ACTR3C: variants seen among roughly 807,000 people sequenced by gnomAD.
ACTR3C encodes actin related protein 3C.
Under a neutral mutation model 26.3 loss-of-function variants are expected in ACTR3C, and 18 were observed. That is an observed-to-expected ratio of 0.68 (90% CI 0.47 to 1.01). ACTR3C has a LOEUF of 1.01. ACTR3C is among the 50% of genes least tolerant of loss of function. The pLI is 0.00. For missense variants in ACTR3C, 184 were observed against 250.7 expected (o/e 0.73, Z 1.80); for synonymous variants, 55 against 94.5 (o/e 0.58, Z 2.42).
chr7:150,035,858 G>A, the ACTR3C span, among the ~76,000 whole-genome samples: 2 of 134,032 alleles, frequency 1.5e-5, no homozygotes, highest in Non-Finnish European at 3.4e-5. Context: ...CCCTGCGATG[G>A]GGGTACCAAC....
At chr7:150,124,806 G>T in the ACTR3C span, among the ~76,000 whole-genome samples, 1 of 152,120 alleles carries the variant, frequency 6.6e-6, no homozygotes, top group East Asian at 1.9e-4. Context: ...GATAGTAAAT[G>T]AAATTTACTG....
chr7:150,318,695 G>A (rs748716943), intron 1 of ACTR3C, among the ~76,000 whole-genome samples: 2 of 152,264 alleles, frequency 1.3e-5, no homozygotes, highest in East Asian at 1.9e-4. Context: ...CCGAAGAGCC[G>A]AGATCGCACC....
chr7:150,298,343 A>C (rs1301391900), intron 1 of ACTR3C, among the ~76,000 whole-genome samples: 1 of 149,570 alleles, frequency 6.7e-6, no homozygotes, highest in Non-Finnish European at 1.5e-5. Context: ...AATAAAGTAC[A>C]TTAAAAACAT....
the ACTR3C span, among the ~76,000 whole-genome samples, chr7:149,919,690 C>CTT: frequency 6.6e-6 from 1 of 152,110 alleles, no homozygotes; most frequent in Non-Finnish European, 1.5e-5. Flanking sequence ...CAGTCTTACT[C>CTT]GTTTTAACTT....
At chr7:150,149,079 G>A in the ACTR3C span, among the ~76,000 whole-genome samples, 2 of 93,176 alleles carry the variant, frequency 2.1e-5, no homozygotes, top group African/African-American at 7.8e-5. Flanking sequence ...TAAAGTTTGA[G>A]TATATATATA....
chr7:150,131,449 G>A, the ACTR3C span, among the ~76,000 whole-genome samples: 1 of 151,770 alleles, frequency 6.6e-6, no homozygotes, highest in African/African-American at 2.4e-5. Flanking sequence ...TTCTGTTAAA[G>A]CAGCTCGAAC....
At chr7:150,090,408 T>G in the ACTR3C span, among the ~76,000 whole-genome samples, 1 of 152,242 alleles carries the variant, frequency 6.6e-6, no homozygotes, top group Non-Finnish European at 1.5e-5. Context: ...TGAGGCAGAT[T>G]TGCTGCATTC....
the ACTR3C span, among the ~76,000 whole-genome samples, chr7:150,037,608 A>C: frequency 5.4e-5 from 4 of 74,690 alleles, no homozygotes; most frequent in South Asian, 1.9e-3. Flanking sequence ...CAGTAATCCC[A>C]CGTAAGGTAC....
chr7:150,245,207 G>T (rs1832399040), downstream of ACTR3C: 1 of 152,270 alleles, frequency 6.6e-6, no homozygotes, highest in Admixed American at 6.5e-5. Context: ...TTATCAACCA[G>T]AGGTTGCATA....
At chr7:150,264,649 T>G (rs1342061771) in intron 6 of ACTR3C, 1 of 963,250 alleles carries the variant, frequency 1.0e-6, no homozygotes. Context: ...CAAAAGTCCC[T>G]AAACCGAGTC....
chr7:150,217,876 TA>T, the ACTR3C span, among the ~76,000 whole-genome samples: 1,737 of 151,426 alleles, frequency 0.011, 42 homozygotes, highest in African/African-American at 0.04. Context: ...AAAAGGTGAA[TA>T]ACCATCTAAA....
the ACTR3C span, among the ~76,000 whole-genome samples, chr7:150,162,368 C>T: frequency 6.6e-6 from 1 of 151,960 alleles, no homozygotes; most frequent in Non-Finnish European, 1.5e-5. Context: ...CTCTGTTGCC[C>T]AGGCTGGAGT....
chr7:149,967,901 C>G, the ACTR3C span, among the ~76,000 whole-genome samples: 4 of 151,910 alleles, frequency 2.6e-5, no homozygotes, highest in Non-Finnish European at 5.9e-5. Context: ...CGGGGGGTGG[C>G]GGGTTTTTAA....
chr7:149,951,866 A>G, the ACTR3C span, among the ~76,000 whole-genome samples: 1 of 150,462 alleles, frequency 6.6e-6, no homozygotes, highest in African/African-American at 2.5e-5. Flanking sequence ...AATTGTGCCC[A>G]GCAGAACTGG....
the ACTR3C span, among the ~76,000 whole-genome samples, chr7:150,037,961 G>T: frequency 7.1e-6 from 1 of 140,356 alleles, no homozygotes; most frequent in South Asian, 2.2e-4. Context: ...CAAAGAGCCA[G>T]GGGAGGAAAG....
the ACTR3C span, among the ~76,000 whole-genome samples, chr7:150,228,092 G>A: frequency 6.6e-6 from 1 of 152,036 alleles, no homozygotes; most frequent in Non-Finnish European, 1.5e-5. Flanking sequence ...ACAAAGTCTG[G>A]GATAATTGAC....
chr7:149,948,673 C>A, the ACTR3C span, among the ~76,000 whole-genome samples: 5 of 151,844 alleles, frequency 3.3e-5, no homozygotes, highest in East Asian at 9.6e-4. Context: ...CGGGGGACCT[C>A]CCATTACTCC....
chr7:150,166,807 C>G, the ACTR3C span, among the ~76,000 whole-genome samples: 1 of 150,636 alleles, frequency 6.6e-6, no homozygotes, highest in Non-Finnish European at 1.5e-5. Flanking sequence ...TTCATGTCCC[C>G]TCAACACCTT....
chr7:150,141,494 A>G, the ACTR3C span, among the ~76,000 whole-genome samples: 1 of 151,986 alleles, frequency 6.6e-6, no homozygotes, highest in East Asian at 1.9e-4. Flanking sequence ...TGCTGAAGTC[A>G]GAAGCCCCAG....
Sources: gnomAD v4.1 joint callset for allele counts (sites outside exome capture counted in the v4.1 genomes callset) on GRCh38, gnomAD v4.1.1 for gene constraint, MANE v1.5 for transcripts, NCBI Gene and HGNC (gene_info 2026-07-23, HGNC 2026-07-21) for gene names.